Variants in OSBPL10 observed in about 807,000 individuals in gnomAD.
OSBPL10 encodes the protein oxysterol-binding protein-related protein 10.
Under a neutral mutation model 81.7 loss-of-function variants are expected in OSBPL10, and 49 were observed. The ratio of observed to expected loss-of-function variants is 0.60; its 90% confidence interval spans 0.48 to 0.76. The LOEUF (loss-of-function observed/expected upper bound fraction) is 0.76. OSBPL10 is among the 30% of genes least tolerant of loss of function. The pLI, the probability that OSBPL10 is intolerant of heterozygous loss-of-function variation, is 0.00. For synonymous variants in OSBPL10, 419 were observed against 383.6 expected (o/e 1.09, Z -1.08); for missense variants, 923 against 987.8 (o/e 0.93, Z 0.88).
intron 4 of OSBPL10, among the ~76,000 whole-genome samples, chr3:31,793,637 C>T (rs1699092807): frequency 6.6e-6 from 1 of 152,194 alleles, no homozygotes; most frequent in African/African-American, 2.4e-5. Context: ...AAAAGCACCT[C>T]TGGTTTACAA....
intron 1 of OSBPL10, among the ~76,000 whole-genome samples, chr3:31,925,163 GACTGGA>G (rs1697033819): frequency 6.6e-6 from 1 of 152,048 alleles, no homozygotes; most frequent in Admixed American, 6.6e-5. Flanking sequence ...ATATAGAACA[GACTGGA>G]ACTTCTCAAG....
At chr3:31,805,204 C>G (rs1482900406) in intron 4 of OSBPL10, among the ~76,000 whole-genome samples, 4 of 152,112 alleles carry the variant, frequency 2.6e-5, no homozygotes, top group African/African-American at 9.7e-5. Flanking sequence ...TGAGATGAAC[C>G]TTTAAAACAA....
At chr3:31,703,259 G>C (rs760157196) in intron 6 of OSBPL10, among the ~76,000 whole-genome samples, 6 of 152,148 alleles carry the variant, frequency 3.9e-5, no homozygotes, top group Non-Finnish European at 8.8e-5. Flanking sequence ...AAGTATTAAG[G>C]ACTCTGGTTA....
At chr3:31,971,185 G>A (rs573596616) in intron 1 of OSBPL10, among the ~76,000 whole-genome samples, 1 of 136,238 alleles carries the variant, frequency 7.3e-6, no homozygotes, top group Non-Finnish European at 1.5e-5. Context: ...CTGTCGCCCA[G>A]GCTGGAGTGC....
chr3:32,046,298 A>G (rs1200152619), intron 2 of OSBPL10, among the ~76,000 whole-genome samples: 1 of 152,194 alleles, frequency 6.6e-6, no homozygotes, highest in Non-Finnish European at 1.5e-5. Flanking sequence ...TGACGCCCTC[A>G]TCAAAATGTG....
intron 2 of OSBPL10, 176 bp downstream of exon 2, chr3:31,879,478 AT>A: frequency 1.6e-6 from 1 of 610,680 alleles, no homozygotes; most frequent in Non-Finnish European, 2.8e-6. Flanking sequence ...GTAATTCCTA[AT>A]GTCAGCTCCA....
At chr3:31,960,197 GGA>G (rs1454972452) in intron 1 of OSBPL10, 2 of 152,072 alleles carry the variant, frequency 1.3e-5, no homozygotes, top group Admixed American at 1.3e-4. Flanking sequence ...TGGCAGATAG[GGA>G]GTCTCAGAGA....
chr3:32,036,381 T>C (rs753444338), intron 2 of OSBPL10, among the ~76,000 whole-genome samples: 1 of 152,192 alleles, frequency 6.6e-6, no homozygotes, highest in Non-Finnish European at 1.5e-5. Flanking sequence ...AAGGAACTAT[T>C]GATTCCTCTG....
chr3:31,888,781 A>C (rs1331203096), intron 1 of OSBPL10, among the ~76,000 whole-genome samples: 1 of 152,086 alleles, frequency 6.6e-6, no homozygotes, highest in Non-Finnish European at 1.5e-5. Flanking sequence ...AAAATTAGCC[A>C]GGCCTGGTGG....
At position 31,931,439 on chromosome 3, in the gene OSBPL10, C is replaced by G. The variant is rs563306920; in HGVS notation, c.281+49460G>C. 1.8e-3 allele frequency among the ~76,000 whole-genome samples: 274 copies of G among 152,282 alleles called. 1 individual carries two copies. Among genetic ancestry groups the G allele is most frequent in the African/African-American group, 6.4e-3 (264 of 41,564 alleles). ...CCCTAGCTGGTCTCCATACTCCCCTCTACCCATTAAGAATGCACCTATACT... is the reference window on the plus strand; with the variant it reads ...CCCTAGCTGGTCTCCATACTCCCCTGTACCCATTAAGAATGCACCTATACT... On this transcript the variant is annotated intron_variant, in intron 1 of 11. Coordinates refer to ENST00000396556, the MANE Select transcript of OSBPL10 (RefSeq NM_017784.5).
intron 4 of OSBPL10, among the ~76,000 whole-genome samples, chr3:31,759,695 G>A (rs1054192322): frequency 2.6e-5 from 4 of 152,064 alleles, no homozygotes; most frequent in Admixed American, 6.6e-5. Context: ...ATTAGCAGTC[G>A]ATTAGCACAT....
chr3:31,754,848 T>C (rs901668460), intron 4 of OSBPL10, among the ~76,000 whole-genome samples: 1 of 152,230 alleles, frequency 6.6e-6, no homozygotes, highest in African/African-American at 2.4e-5. Context: ...ATGTTGTGAT[T>C]GTCCTGGTTC....
rs563606704 is a variant in OSBPL10 at position 31,827,853 on chromosome 3, A to G, written c.729+2187T>C. 3.6e-3 allele frequency among the ~76,000 whole-genome samples: 546 copies of G among 152,302 alleles called. 5 individuals are homozygous for G. Among genetic ancestry groups the G allele is most frequent in the Non-Finnish European group, 5.4e-3 (364 of 68,018 alleles). On this transcript the variant is annotated intron_variant, in intron 4 of 11. Transcript: ENST00000396556. The stretch of plus-strand genomic sequence containing the variant: ...TTATATAAATAAAACTTCTTTGTAC[A>G]CCCATACACAAAAGCCATACTTATT...
intron 4 of OSBPL10, among the ~76,000 whole-genome samples, chr3:31,782,235 T>G (rs995604589): frequency 5.3e-5 from 8 of 152,154 alleles, no homozygotes; most frequent in African/African-American, 1.9e-4. Flanking sequence ...GCAAACCACA[T>G]GTACAAGAAT....
chr3:31,670,772 CAG>C, intron 9 of OSBPL10, 23 bp downstream of exon 9: 1 of 1,598,510 alleles, frequency 6.3e-7, no homozygotes, highest in East Asian at 2.2e-5. Context: ...AAGACAAAGC[CAG>C]AGTCTCTCCG....
intron 1 of OSBPL10, among the ~76,000 whole-genome samples, chr3:31,947,635 T>A (rs1036822635): frequency 6.6e-6 from 1 of 152,048 alleles, no homozygotes. Context: ...AGTCTAAAGA[T>A]GACCAACACA....
rs147050512 is a variant in OSBPL10, at chr3:32,066,188, G to T, written n.185+11208C>A. On this transcript the variant is annotated intron_variant and non_coding_transcript_variant, in intron 1 of 3. Coordinates refer to the OSBPL10 transcript ENST00000479173. ...AGGAAGGAAGGAAGGAAGGAAGGAA[G>T]GAAGGAAGGAAGGAAGGAAGGAAGG... 8.2e-5 allele frequency among the ~76,000 whole-genome samples: 5 copies of T among 61,328 alleles called. 1 individual carries two copies. Among genetic ancestry groups the T allele is most frequent in the Non-Finnish European group, 1.7e-4 (3 of 17,208 alleles). The allele number at this position is 61,328 out of a possible 152,430, so 40.2% of individuals were successfully genotyped here.
chr3:32,016,904 G>C (rs1444220650), intron 2 of OSBPL10, among the ~76,000 whole-genome samples: 4 of 152,144 alleles, frequency 2.6e-5, no homozygotes, highest in Non-Finnish European at 5.9e-5. Flanking sequence ...CGTATGTAAA[G>C]ACCTGGCACC....
chr3:31,790,705 A>ACCC (rs1308754161), intron 4 of OSBPL10, among the ~76,000 whole-genome samples: 55 of 152,296 alleles, frequency 3.6e-4, no homozygotes, highest in African/African-American at 1.3e-3. Flanking sequence ...CTGAATTATA[A>ACCC]AATTTGAGAG....
Sources: allele counts gnomAD v4.1 joint callset (sites outside exome capture counted in the v4.1 genomes callset), GRCh38; gene constraint gnomAD v4.1.1; transcripts MANE v1.5; gene names NCBI Gene and HGNC (gene_info 2026-07-23, HGNC 2026-07-21).